PTPRF: variants seen among roughly 807,000 people sequenced by gnomAD.
PTPRF encodes the protein receptor-type tyrosine-protein phosphatase F.
In PTPRF, 59 loss-of-function variants were observed where a neutral mutation model predicts 201.8. The observed-to-expected ratio is 0.29, with a 90% CI of 0.24 to 0.36. The LOEUF is 0.36. Ranked by LOEUF, PTPRF falls within the 10% of genes least tolerant of loss-of-function variation. The pLI, the probability that PTPRF is intolerant of heterozygous loss-of-function variation, is 1.00. For missense variants in PTPRF, 2,132 were observed against 2,690.5 expected, an observed-to-expected ratio of 0.79 and a Z score of 4.59; for synonymous variants, 1,088 against 1,089.7, an observed-to-expected ratio of 1.00 and a Z score of 0.03.
intron 21 of PTPRF, among the ~76,000 whole-genome samples, 195 bp from the exon 22 acceptor site, chr1:43,609,188 C>A (rs901386425): frequency 7.9e-5 from 12 of 152,302 alleles, no homozygotes; most frequent in African/African-American, 2.6e-4. Flanking sequence ...CTCCCTACCC[C>A]CTCCCTGCCC....
At chr1:43,531,119 C>G (rs1326255232) in intron 1 of PTPRF, 29 bp downstream of exon 1, 2 of 150,342 alleles carry the variant, frequency 1.3e-5, no homozygotes, top group Admixed American at 1.3e-4. Context: ...CCCCACCAGC[C>G]CCCTCCGCTC....
chr1:43,623,529 T>C lies in PTPRF; in HGVS notation c.*1526T>C, dbSNP rs1389548617. ...GTTGGTAATGTTGGATGATGAAACATTCATTTTTACCTTGTGGATGCTAGT... is the reference window on the plus strand; with the variant it reads ...GTTGGTAATGTTGGATGATGAAACACTCATTTTTACCTTGTGGATGCTAGT... On this transcript the variant is annotated 3_prime_UTR_variant, in exon 34 of 34. Transcript: ENST00000359947. 1 of 152,628 alleles carries C rather than the reference T, an allele frequency of 6.6e-6. No homozygotes were observed. Among genetic ancestry groups the C allele is most frequent in the Admixed American group, 6.5e-5 (1 of 15,282 alleles). 9.5% of individuals were successfully genotyped at this position (152,628 alleles called of 1,614,324 possible). A position where few individuals can be genotyped will look rare whatever the true frequency, so the allele number is the denominator to read the frequency against.
At position 43,591,240 on chromosome 1, in the gene PTPRF, A is replaced by G. The variant is rs924459361; in HGVS notation, c.1218A>G (p.Ala406=). 1.3e-6 allele frequency: 2 copies of G among 1,595,142 alleles called. No homozygotes were observed. Among genetic ancestry groups the G allele is most frequent in the African/African-American group, 2.7e-5 (2 of 74,558 alleles). The change falls in exon 9 of 34, where the codon GCA becomes GCG. Residue 406 remains alanine, a synonymous_variant. Coordinates refer to ENST00000359947, the MANE Select transcript of PTPRF (RefSeq NM_002840.5). ...GRGPPSEAVR[A]RTGEQAPSSP... ...GGCCGCCCAGCGAGGCAGTGCGGGC[A>G]CGCACGGGAGAACAGGCGCCCTCCA...
At chr1:43,567,510 G>A (rs1441333270) in intron 5 of PTPRF, among the ~76,000 whole-genome samples, 1 of 152,222 alleles carries the variant, frequency 6.6e-6, no homozygotes, top group Non-Finnish European at 1.5e-5. Context: ...CGGCAAGGCC[G>A]TGCTGGGAAT....
At chr1:43,620,071 TG>T (rs780581635) in intron 29 of PTPRF, 23 bp from the exon 30 acceptor site, 1 of 1,613,244 alleles carries the variant, frequency 6.2e-7, no homozygotes, top group South Asian at 1.1e-5. Context: ...ACCTCCAGCA[TG>T]TCCAGTCTTA....
chr1:43,558,241 C>T (rs1645529914), intron 5 of PTPRF, among the ~76,000 whole-genome samples: 1 of 152,122 alleles, frequency 6.6e-6, no homozygotes, highest in African/African-American at 2.4e-5. Flanking sequence ...TGAGGGCTGT[C>T]TGGGGTGAAC....
At chr1:43,530,750 G>C (rs1643359100), upstream of PTPRF, 1 of 152,968 alleles carries the variant, frequency 6.5e-6, no homozygotes, top group African/African-American at 2.4e-5. The surrounding 1 kb of genome is among the most constrained non-coding windows in gnomAD (Gnocchi z 4.1). Context: ...TGGCCTGTCT[G>C]GGCCTCAGCG....
chr1:43,606,300 C>A lies in PTPRF; in HGVS notation c.3544C>A (p.Arg1182Ser), dbSNP rs1037410695. ...GCGGCGGCGGCGGCGGCAGGCAGAA[C>A]GTCTGAAGCCATATGTGGCTGCTCA... Reference protein sequence around the residue: ...EQRRRRRQAERLKPYVAAQLD... With the variant: ...EQRRRRRQAESLKPYVAAQLD... Residue 1182 changes from arginine (R) to serine (S), a missense_variant, in exon 20 of 34, where the codon CGT (arginine) becomes AGT (serine). Physicochemically the swap from Arg to Ser is moderately radical, Grantham distance 110. Coordinates refer to ENST00000359947, the MANE Select transcript of PTPRF (RefSeq NM_002840.5). 8.1e-6 allele frequency: 13 copies of A among 1,614,048 alleles called. No individual in the cohort carries two copies. The highest frequency in any genetic ancestry group is 1.1e-5 in the Non-Finnish European group (13 of 1,180,026).
intron 13 of PTPRF, among the ~76,000 whole-genome samples, chr1:43,601,351 C>A (rs1031759132): frequency 1.3e-5 from 2 of 152,254 alleles, no homozygotes; most frequent in Non-Finnish European, 2.9e-5. Context: ...TCCTTCCTAC[C>A]TTAATCCTCA....
chr1:43,565,176 G>C (rs910754363), intron 5 of PTPRF, among the ~76,000 whole-genome samples: 14 of 152,136 alleles, frequency 9.2e-5, no homozygotes, highest in African/African-American at 3.4e-4. Context: ...CACCAAGATA[G>C]CAAGTGAGCT....
At chr1:43,609,852 A>G (rs980379613) in intron 22 of PTPRF, among the ~76,000 whole-genome samples, 3 of 152,176 alleles carry the variant, frequency 2.0e-5, no homozygotes, top group Non-Finnish European at 4.4e-5. Context: ...TGACGCCTCC[A>G]CATGAAAGAG....
At chr1:43,543,825 C>T (rs747841210) in intron 2 of PTPRF, among the ~76,000 whole-genome samples, 2 of 152,190 alleles carry the variant, frequency 1.3e-5, no homozygotes, top group Admixed American at 6.5e-5. Context: ...GCGTGTTCAC[C>T]GTCATGCACT....
In PTPRF at chr1:43,617,781, A is replaced by G. The variant is rs754775343; in HGVS notation, c.4241A>G (p.Tyr1414Cys). ...ATCAATGCCAACTACATCGATGGCT[A>G]CCGCAAGCAGAATGCCTACATCGCC... The part of the protein sequence containing the change: ...DYINANYIDG[Y>C]RKQNAYIATQ... Residue 1414 changes from tyrosine to cysteine, a missense_variant, in exon 25 of 34, where the codon TAC becomes TGC. Tyr to Cys is a radical substitution (Grantham distance 194, BLOSUM62 -2). Transcript: ENST00000359947. 1 of 1,614,112 alleles carries G rather than the reference A, an allele frequency of 6.2e-7. No individual in the cohort carries two copies. The highest frequency in any genetic ancestry group is 1.7e-5 in the Admixed American group (1 of 60,018).
intron 21 of PTPRF, 81 bp downstream of exon 21, chr1:43,607,049 G>C: frequency 1.3e-6 from 2 of 1,551,708 alleles, no homozygotes; most frequent in Non-Finnish European, 1.7e-6. Flanking sequence ...TGCCTGTGGA[G>C]AGCGTGCAGC....
At chr1:43,549,182 G>T (rs1470502748) in intron 3 of PTPRF, among the ~76,000 whole-genome samples, 1 of 152,214 alleles carries the variant, frequency 6.6e-6, no homozygotes, top group African/African-American at 2.4e-5. Flanking sequence ...AGGCCCTCCT[G>T]GTGTGCTCTG....
intron 23 of PTPRF, among the ~76,000 whole-genome samples, chr1:43,616,573 C>CG (rs1321089805): frequency 6.6e-6 from 1 of 151,188 alleles, no homozygotes; most frequent in Non-Finnish European, 1.5e-5. Context: ...ACTGGCAGGG[C>CG]GGGGTTGGTG....
intron 2 of PTPRF, among the ~76,000 whole-genome samples, chr1:43,544,594 T>G (rs1302607102): frequency 6.6e-6 from 1 of 152,242 alleles, no homozygotes; most frequent in African/African-American, 2.4e-5. Flanking sequence ...TGCCCCTCAC[T>G]GCTCCTTGTC....
rs767266768 is a variant in PTPRF at position 43,620,930 on chromosome 1, C to T, written c.5457C>T (p.Ile1819=). The change falls in exon 32 of 34, where the codon ATC becomes ATT. Residue 1819 remains isoleucine (I), a synonymous_variant. Transcript: ENST00000359947. ...PKTGEGFIDF[I]GQVHKTKEQF... is the part of the protein sequence containing the mutation. ...CAGGCGAGGGATTCATTGACTTCAT[C>T]GGGCAGGTGCATAAGACCAAGGAGC... is the stretch of plus-strand genomic sequence containing the variant. 1.1e-5 allele frequency: 18 copies of T among 1,614,046 alleles called. No homozygotes were observed. The highest frequency in any genetic ancestry group is 2.2e-5 in the East Asian group (1 of 44,898).
chr1:43,536,523 C>G (rs1644019321), intron 1 of PTPRF, among the ~76,000 whole-genome samples: 1 of 152,196 alleles, frequency 6.6e-6, no homozygotes, highest in Non-Finnish European at 1.5e-5. Context: ...AGCGCCTGGC[C>G]AGCTTGGGGG....
Sources: allele counts gnomAD v4.1 joint callset (sites outside exome capture counted in the v4.1 genomes callset), GRCh38; gene constraint gnomAD v4.1.1; non-coding constraint Gnocchi (gnomAD v3.1); transcripts MANE v1.5; gene names NCBI Gene and HGNC (gene_info 2026-07-23, HGNC 2026-07-21).